Variants in PEBP4 observed in about 807,000 individuals in gnomAD.
PEBP4 encodes phosphatidylethanolamine binding protein 4.
In PEBP4, 22 loss-of-function variants were observed where a neutral mutation model predicts 23.9. That is an observed-to-expected ratio of 0.92 (90% CI 0.66 to 1.31). The LOEUF is 1.31. Among genes scored for constraint, PEBP4 ranks in the 40% most tolerant of loss-of-function variants. PEBP4 has a pLI of 0.00. For missense variants in PEBP4, 324 were observed against 281.7 expected (o/e 1.15, Z -1.07); for synonymous variants, 112 against 99.3 (o/e 1.13, Z -0.76).
chr8:22,858,458 GC>G (rs1244663936), intron 3 of PEBP4, among the ~76,000 whole-genome samples: 1 of 152,124 alleles, frequency 6.6e-6, no homozygotes, highest in Non-Finnish European at 1.5e-5. Context: ...CAAATGCTTG[GC>G]CCCAGCATCC....
At chr8:22,747,903 G>C (rs1445139710) in intron 4 of PEBP4, among the ~76,000 whole-genome samples, 1 of 152,220 alleles carries the variant, frequency 6.6e-6, no homozygotes, top group Non-Finnish European at 1.5e-5. Flanking sequence ...TGGAGCAGGA[G>C]CCCAGGGCCG....
intron 4 of PEBP4, among the ~76,000 whole-genome samples, chr8:22,774,003 C>A (rs1042449744): frequency 1.3e-5 from 2 of 152,036 alleles, no homozygotes; most frequent in African/African-American, 4.8e-5. Context: ...GATGGCAAGT[C>A]CTCCAACCTC....
intron 4 of PEBP4, among the ~76,000 whole-genome samples, chr8:22,770,981 C>T (rs1392602752): frequency 6.6e-6 from 1 of 152,214 alleles, no homozygotes; most frequent in Non-Finnish European, 1.5e-5. Context: ...CTCACTCACT[C>T]GTGAGAAGGC....
At chr8:22,939,062 T>C (rs1809576789) in intron 1 of PEBP4, among the ~76,000 whole-genome samples, 2 of 152,204 alleles carry the variant, frequency 1.3e-5, no homozygotes, top group African/African-American at 4.8e-5. Flanking sequence ...ATGACCAATT[T>C]GAAAATTGTC....
chr8:22,788,111 G>A (rs1806064459), intron 4 of PEBP4, among the ~76,000 whole-genome samples: 1 of 152,086 alleles, frequency 6.6e-6, no homozygotes, highest in African/African-American at 2.4e-5. Flanking sequence ...GGAGAACCAG[G>A]AGCAGCAGGC....
intron 4 of PEBP4, among the ~76,000 whole-genome samples, chr8:22,806,343 G>A (rs1806494150): frequency 6.6e-6 from 1 of 152,156 alleles, no homozygotes; most frequent in African/African-American, 2.4e-5. Context: ...GTAGCCGGGT[G>A]TGGTGGCTCA....
intron 3 of PEBP4, among the ~76,000 whole-genome samples, chr8:22,852,224 AAT>A (rs1352378657): frequency 6.6e-6 from 1 of 152,182 alleles, no homozygotes; most frequent in Non-Finnish European, 1.5e-5. Flanking sequence ...TTCTCTTCCC[AAT>A]ATTTAATTTC....
chr8:22,938,141 C>G (rs566373124), intron 1 of PEBP4, among the ~76,000 whole-genome samples: 109 of 152,168 alleles, frequency 7.2e-4, no homozygotes, highest in African/African-American at 2.5e-3. Context: ...AGTGAAGAGA[C>G]AACCTGCAGA....
chr8:22,748,636 G>A (rs903852592), intron 4 of PEBP4, among the ~76,000 whole-genome samples: 2 of 151,092 alleles, frequency 1.3e-5, no homozygotes, highest in African/African-American at 4.9e-5. Flanking sequence ...GTGACTCAGA[G>A]TTCACCCGGC....
At chr8:22,778,393 T>C (rs1805856799) in intron 4 of PEBP4, among the ~76,000 whole-genome samples, 1 of 151,938 alleles carries the variant, frequency 6.6e-6, no homozygotes, top group South Asian at 2.1e-4. Flanking sequence ...AACTTTTTTT[T>C]TTTTTTTTGA....
At chr8:22,899,953 A>G (rs1239112809) in intron 3 of PEBP4, among the ~76,000 whole-genome samples, 1 of 152,182 alleles carries the variant, frequency 6.6e-6, no homozygotes, top group Non-Finnish European at 1.5e-5. Flanking sequence ...CGGGAGGAGC[A>G]TAGCACAAAG....
chr8:22,917,807 T>G (rs1349061075), intron 3 of PEBP4, among the ~76,000 whole-genome samples: 1 of 152,246 alleles, frequency 6.6e-6, no homozygotes, highest in African/African-American at 2.4e-5. Flanking sequence ...ATCCTGTGAC[T>G]TTTAATGGAT....
intron 4 of PEBP4, among the ~76,000 whole-genome samples, chr8:22,789,978 G>C (rs1422960881): frequency 6.6e-6 from 1 of 152,148 alleles, no homozygotes; most frequent in South Asian, 2.1e-4. Context: ...TTCCAGGATG[G>C]GGAGTCCAAT....
At chr8:22,875,739 C>T (rs1053105143) in intron 3 of PEBP4, among the ~76,000 whole-genome samples, 6 of 152,052 alleles carry the variant, frequency 3.9e-5, no homozygotes, top group Non-Finnish European at 1.5e-5. Flanking sequence ...TCCTGCCTGT[C>T]ACCCAGCACG....
At chr8:22,881,321 A>G (rs955561624) in intron 3 of PEBP4, among the ~76,000 whole-genome samples, 3 of 152,154 alleles carry the variant, frequency 2.0e-5, no homozygotes, top group Non-Finnish European at 4.4e-5. Context: ...CCTATCACCT[A>G]CAAGGACTTG....
chr8:22,783,673 T>G (rs1305857630), intron 4 of PEBP4, among the ~76,000 whole-genome samples: 1 of 152,216 alleles, frequency 6.6e-6, no homozygotes, highest in African/African-American at 2.4e-5. Flanking sequence ...TTTTGGTTTT[T>G]GTTTTGTTTT....
chr8:22,884,138 A>G (rs1428078628), intron 3 of PEBP4: 1 of 152,200 alleles, frequency 6.6e-6, no homozygotes, highest in African/African-American at 2.4e-5. Flanking sequence ...GCCTGCCATC[A>G]TCAGCAGCTC....
chr8:22,762,500 G>A (rs913591784), intron 4 of PEBP4, among the ~76,000 whole-genome samples: 6 of 152,126 alleles, frequency 3.9e-5, no homozygotes, highest in Non-Finnish European at 7.4e-5. Flanking sequence ...GAAAAAGCAA[G>A]GTCAATTTTG....
chr8:22,932,604 G>T (rs1473294449), upstream of PEBP4, among the ~76,000 whole-genome samples: 2 of 152,034 alleles, frequency 1.3e-5, no homozygotes, highest in African/African-American at 2.4e-5. Context: ...ACAGCCAAAG[G>T]TTAGAGCAGC....
Sources: gnomAD v4.1 joint callset for allele counts (sites outside exome capture counted in the v4.1 genomes callset) on GRCh38, gnomAD v4.1.1 for gene constraint, MANE v1.5 for transcripts, NCBI Gene and HGNC (gene_info 2026-07-23, HGNC 2026-07-21) for gene names.